Variants in BET1 observed in about 807,000 individuals in gnomAD.
BET1 encodes the protein Bet1 golgi vesicular membrane trafficking protein.
In BET1, 9 loss-of-function variants were observed where a neutral mutation model predicts 13.9. That is an observed-to-expected ratio of 0.65 (90% CI 0.39 to 1.13). The LOEUF is 1.13. Ranked by LOEUF, BET1 falls within the 50% of genes most tolerant of loss-of-function variation. The pLI is 0.01. For missense variants in BET1, 127 were observed against 133.6 expected (o/e 0.95, Z 0.24); for synonymous variants, 39 against 47.3 (o/e 0.82, Z 0.72).
intron 6 of BET1, among the ~76,000 whole-genome samples, chr7:93,971,954 T>C (rs2116033123): frequency 6.6e-6 from 1 of 151,542 alleles, no homozygotes; most frequent in South Asian, 2.1e-4. Flanking sequence ...AAAAAGCCAT[T>C]GGATATGAAA....
downstream of BET1, among the ~76,000 whole-genome samples, chr7:93,990,432 TTATAAA>T (rs1269753652): frequency 2.6e-5 from 4 of 152,138 alleles, no homozygotes; most frequent in Non-Finnish European, 5.9e-5. Context: ...AGGTTTTTCA[TTATAAA>T]TATATTAATA....
At chr7:93,967,263 C>T (rs780888295) in intron 6 of BET1, among the ~76,000 whole-genome samples, 7 of 151,848 alleles carry the variant, frequency 4.6e-5, no homozygotes, top group Non-Finnish European at 8.8e-5. Context: ...CTCACTCAAC[C>T]TTACAGTAGG....
downstream of BET1, chr7:93,992,912 T>C: frequency 1.0e-6 from 1 of 985,344 alleles, no homozygotes; most frequent in Non-Finnish European, 1.2e-6. Context: ...TCTGTTTAAG[T>C]CCCTTAACCA....
In BET1 at chr7:93,964,196, G is replaced by A. The variant is rs1795139031; in HGVS notation, c.*1629C>T. 2.6e-5 allele frequency: 4 copies of A among 152,026 alleles called. No homozygotes were observed. In the South Asian group the frequency reaches 8.3e-4, roughly 32 times the overall value. 9.4% of individuals were successfully genotyped at this position (152,026 alleles called of 1,614,324 possible). ...CATGGTTATATTGCATGATGCTGAG[G>A]TTTGAGATATGAATTTCTCACCCAA... On this transcript the variant is annotated 3_prime_UTR_variant and NMD_transcript_variant, in exon 7 of 7. Coordinates refer to the BET1 transcript ENST00000357520.
At chr7:93,998,641 G>A (rs1250482373) in intron 2 of BET1, among the ~76,000 whole-genome samples, 2 of 151,844 alleles carry the variant, frequency 1.3e-5, no homozygotes, top group Non-Finnish European at 2.9e-5. Context: ...AGAGGTTGCA[G>A]TGAGCCAAAA....
intron 4 of BET1, among the ~76,000 whole-genome samples, chr7:93,979,583 C>A (rs1584130595): frequency 6.6e-6 from 1 of 151,998 alleles, no homozygotes; most frequent in East Asian, 1.9e-4. Flanking sequence ...ACTTCAGAAA[C>A]TAACTGAGGG....
At chr7:93,972,229 G>A (rs17165948) in intron 6 of BET1, among the ~76,000 whole-genome samples, 8,239 of 151,872 alleles carry the variant, frequency 0.054, 355 homozygotes, top group Admixed American at 0.11. Context: ...TCACAACACT[G>A]TAAGTTCAAT....
chr7:93,972,933 G>A (rs1345870437), intron 5 of BET1, among the ~76,000 whole-genome samples: 1 of 150,650 alleles, frequency 6.6e-6, no homozygotes, highest in Non-Finnish European at 1.5e-5. Flanking sequence ...TTCTACTACT[G>A]CAAGACAGCC....
intron 1 of BET1, chr7:93,999,707 G>T (rs1294552422): frequency 2.2e-6 from 1 of 456,730 alleles, no homozygotes; most frequent in South Asian, 1.5e-5. Flanking sequence ...GGTTAATACA[G>T]AAGGACGGGA....
intron 4 of BET1, among the ~76,000 whole-genome samples, chr7:93,983,594 A>G (rs1795468539): frequency 6.6e-6 from 1 of 152,162 alleles, no homozygotes; most frequent in Non-Finnish European, 1.5e-5. Flanking sequence ...TAGTGGGAAA[A>G]AAATGCTTAC....
intron 4 of BET1, among the ~76,000 whole-genome samples, chr7:93,977,764 A>G (rs1001129152): frequency 1.3e-5 from 2 of 152,178 alleles, no homozygotes; most frequent in African/African-American, 4.8e-5. Context: ...ATGTTGTCCC[A>G]GAGGCCAGAT....
chr7:93,980,647 AC>A (rs1291980664), intron 4 of BET1, among the ~76,000 whole-genome samples: 2 of 152,218 alleles, frequency 1.3e-5, no homozygotes, highest in African/African-American at 4.8e-5. Context: ...TGGAAAGCCC[AC>A]AGCCAGCATT....
intron 6 of BET1, among the ~76,000 whole-genome samples, chr7:93,968,765 T>A (rs1795214655): frequency 6.6e-6 from 1 of 151,774 alleles, no homozygotes. Flanking sequence ...GAGGGAGAAC[T>A]TATATAAAGT....
At chr7:93,970,137 A>G (rs1795236923) in intron 6 of BET1, among the ~76,000 whole-genome samples, 1 of 151,906 alleles carries the variant, frequency 6.6e-6, no homozygotes, top group South Asian at 2.1e-4. Flanking sequence ...TTACTCTGCA[A>G]TAAAATTTTG....
intron 2 of BET1, among the ~76,000 whole-genome samples, chr7:93,997,617 C>T (rs1243984755): frequency 1.3e-5 from 2 of 152,132 alleles, no homozygotes; most frequent in Admixed American, 6.5e-5. Flanking sequence ...GAATGTAATT[C>T]GATTTTCCAA....
At chr7:93,984,260 A>C (rs1254953920) in intron 4 of BET1, among the ~76,000 whole-genome samples, 1 of 152,052 alleles carries the variant, frequency 6.6e-6, no homozygotes, top group African/African-American at 2.4e-5. Context: ...GACATTAGTC[A>C]TTGTATTAGG....
downstream of BET1, among the ~76,000 whole-genome samples, chr7:93,988,634 T>C (rs1041795184): frequency 1.3e-5 from 2 of 152,188 alleles, no homozygotes; most frequent in African/African-American, 2.4e-5. Context: ...AGAGCAAAAC[T>C]GCATGTTGAA....
At chr7:93,985,792 T>A (rs545436828) in intron 4 of BET1, among the ~76,000 whole-genome samples, 15 of 152,228 alleles carry the variant, frequency 9.9e-5, no homozygotes, top group Middle Eastern at 6.8e-3. Flanking sequence ...ATATGGACAC[T>A]CCAACTAAAT....
At chr7:93,996,410 T>C in intron 2 of BET1, 89 bp from the exon 3 acceptor site, 1 of 941,236 alleles carries the variant, frequency 1.1e-6, no homozygotes, top group Non-Finnish European at 1.6e-6. Context: ...AGCATACACA[T>C]TTTCTGAAAT....
Sources: allele counts gnomAD v4.1 joint callset (sites outside exome capture counted in the v4.1 genomes callset), GRCh38; gene constraint gnomAD v4.1.1; transcripts MANE v1.5; gene names NCBI Gene and HGNC (gene_info 2026-07-23, HGNC 2026-07-21).